Variants in DGKH observed in about 807,000 individuals in gnomAD.
The protein encoded by DGKH is DAG kinase eta.
A neutral mutation model predicts 159.3 loss-of-function variants in DGKH; 90 were observed. The ratio of observed to expected loss-of-function variants is 0.57; its 90% CI spans 0.48 to 0.67. The LOEUF (loss-of-function observed/expected upper bound fraction) is 0.67. DGKH is among the 30% of genes least tolerant of loss of function. DGKH has a pLI of 0.00. For synonymous variants in DGKH, 536 were observed against 553.8 expected (o/e 0.97, Z 0.45); for missense variants, 1,181 against 1,506.1 (o/e 0.78, Z 3.57).
chr13:42,218,502 CTTT>C (rs56173082), intron 26 of DGKH, among the ~76,000 whole-genome samples: 896 of 88,294 alleles, frequency 0.01, 8 homozygotes, highest in African/African-American at 0.035. Context: ...CATGTGGTGA[CTTT>C]TTTTTTTTTT....
chr13:42,212,603 G>A (rs571616158), intron 24 of DGKH, among the ~76,000 whole-genome samples: 4 of 152,288 alleles, frequency 2.6e-5, no homozygotes, highest in East Asian at 3.9e-4. Context: ...TCTGGTCAAC[G>A]TAGTTTGGCT....
Position 42,190,509 on chromosome 13 carries a change from C to G in DGKH, c.2019C>G (p.Ala673=). 6.3e-7 allele frequency: 1 copy of G among 1,593,668 alleles called. No individual in the cohort carries two copies. ...AGGAGGAAGCTAAAGATGATGGTGCCAAAGAATCAATAACTGGTGAGGAAA... is the reference window on the plus strand; with the variant it reads ...AGGAGGAAGCTAAAGATGATGGTGCGAAAGAATCAATAACTGGTGAGGAAA... The part of the protein sequence containing the change: ...ESKEEAKDDG[A]KESITVKTAP... The change falls in exon 16 of 30, where the codon GCC becomes GCG. Residue 673 remains alanine (A), a synonymous_variant. Transcript: ENST00000337343.
chr13:42,127,557 A>T lies in DGKH; in HGVS notation c.287A>T (p.Tyr96Phe). The change falls in exon 2 of 30, where the codon TAT (tyrosine) becomes TTT (phenylalanine). Residue 96 changes from tyrosine to phenylalanine, a missense_variant. By Grantham distance (22) the Tyr-to-Phe change is conservative. Coordinates refer to ENST00000337343, the MANE Select transcript of DGKH (RefSeq NM_178009.5). ...YFKLRGRTLY[Y>F]AKDSKSLIFD... ...AAACTTCGAGGCCGCACCCTTTACTATGCAAAGGACTCAAAGGTAACTCAC... is the reference window on the plus strand; with the variant it reads ...AAACTTCGAGGCCGCACCCTTTACTTTGCAAAGGACTCAAAGGTAACTCAC... 1 of 1,613,426 alleles carries T rather than the reference A, an allele frequency of 6.2e-7. No individual in the cohort carries two copies. Among genetic ancestry groups the T allele is most frequent in the Non-Finnish European group, 8.5e-7 (1 of 1,179,496 alleles).
chr13:42,156,113 A>G (rs1274616625), intron 5 of DGKH, among the ~76,000 whole-genome samples: 1 of 152,208 alleles, frequency 6.6e-6, no homozygotes, highest in African/African-American at 2.4e-5. Context: ...ACTCTTTGGC[A>G]GAATTTCTGA....
In DGKH at chr13:42,233,921, C is replaced by T. The variant is rs191321631; in HGVS notation, c.*4733C>T. Reference sequence around the variant, plus strand: ...ATGAGGACACATAGCAGTACACACACATTGAATGAATTGTTAGTCATGCAA... The same window carrying T: ...ATGAGGACACATAGCAGTACACACATATTGAATGAATTGTTAGTCATGCAA... On this transcript the variant is annotated 3_prime_UTR_variant, in exon 30 of 30. Coordinates refer to ENST00000337343, the MANE Select transcript of DGKH (RefSeq NM_178009.5). 5 of 152,294 alleles carry T rather than the reference C, an allele frequency of 3.3e-5. No homozygotes were observed. In the East Asian group the frequency reaches 9.6e-4, roughly 29 times the overall value. The allele number at this position is 152,294 out of a possible 1,614,324, so 9.4% of individuals were successfully genotyped here.
intron 20 of DGKH, among the ~76,000 whole-genome samples, chr13:42,202,284 G>T (rs76942989): frequency 1.3e-5 from 2 of 152,118 alleles, no homozygotes; most frequent in African/African-American, 4.8e-5. Flanking sequence ...ATGGAAGGCC[G>T]TTGTCTAAAA....
intron 1 of DGKH, among the ~76,000 whole-genome samples, chr13:42,051,473 T>C (rs1881295632): frequency 6.6e-6 from 1 of 152,114 alleles, no homozygotes; most frequent in African/African-American, 2.4e-5. Flanking sequence ...AGGGGGAATT[T>C]ATAGAATGAG....
intron 16 of DGKH, among the ~76,000 whole-genome samples, chr13:42,194,362 A>C (rs775378614): frequency 6.6e-6 from 1 of 152,086 alleles, no homozygotes; most frequent in Non-Finnish European, 1.5e-5. Context: ...TCAATTCCTG[A>C]CCTCAAGTGA....
chr13:42,155,465 A>G, intron 4 of DGKH, 70 bp downstream of exon 4: 1 of 1,511,238 alleles, frequency 6.6e-7, no homozygotes, highest in Non-Finnish European at 9.1e-7. Context: ...CTAGAGCTCT[A>G]CCGTGCAAAC....
intron 12 of DGKH, among the ~76,000 whole-genome samples, chr13:42,175,654 T>A (rs1956582443): frequency 6.6e-6 from 1 of 152,220 alleles, no homozygotes; most frequent in Non-Finnish European, 1.5e-5. Context: ...AATCTCTCTT[T>A]TTTTGTACAA....
At chr13:42,075,713 A>G (rs1055224505) in intron 1 of DGKH, among the ~76,000 whole-genome samples, 1 of 152,144 alleles carries the variant, frequency 6.6e-6, no homozygotes, top group Admixed American at 6.5e-5. Context: ...ATGGATGTTC[A>G]TCCAGTCATC....
intron 1 of DGKH, among the ~76,000 whole-genome samples, chr13:42,094,369 A>G (rs944422633): frequency 1.3e-5 from 2 of 152,258 alleles, no homozygotes; most frequent in African/African-American, 4.8e-5. Context: ...ACTTTGACTC[A>G]AACTTGTTAG....
chr13:42,256,487 C>G (rs1293605297), exon 31 of DGKH: 1 of 1,158,900 alleles, frequency 8.6e-7, no homozygotes, highest in East Asian at 2.3e-5. Context: ...CACACCAGAA[C>G]AGTTTGATGA....
At chr13:42,100,773 A>G (rs1240530350) in intron 1 of DGKH, among the ~76,000 whole-genome samples, 1 of 152,204 alleles carries the variant, frequency 6.6e-6, no homozygotes, top group African/African-American at 2.4e-5. Context: ...GGATTATCAT[A>G]GTTGCCCTCA....
chr13:42,142,426 T>C (rs1262451555), intron 3 of DGKH, among the ~76,000 whole-genome samples: 2 of 151,444 alleles, frequency 1.3e-5, no homozygotes, highest in African/African-American at 4.8e-5. Context: ...TTTCCAATTC[T>C]GTGAAGAAAG....
At chr13:42,077,900 C>G (rs1298115823) in intron 1 of DGKH, among the ~76,000 whole-genome samples, 1 of 152,144 alleles carries the variant, frequency 6.6e-6, no homozygotes, top group East Asian at 1.9e-4. Flanking sequence ...CCTGCTTCCC[C>G]CTAGTTCTTT....
At chr13:42,210,085 A>G (rs1957610703) in intron 23 of DGKH, among the ~76,000 whole-genome samples, 1 of 150,316 alleles carries the variant, frequency 6.7e-6, no homozygotes, top group Middle Eastern at 3.2e-3. Context: ...GAAGACTGCT[A>G]ATATTTGCCC....
At chr13:42,227,867 A>G (rs777278849) in intron 29 of DGKH, among the ~76,000 whole-genome samples, 2 of 152,218 alleles carry the variant, frequency 1.3e-5, no homozygotes, top group Non-Finnish European at 2.9e-5. Context: ...ATTTCATTCA[A>G]AAGTTGAAAA....
At chr13:42,148,731 T>G (rs1472004691) in intron 3 of DGKH, among the ~76,000 whole-genome samples, 2 of 152,116 alleles carry the variant, frequency 1.3e-5, no homozygotes, top group African/African-American at 4.8e-5. Context: ...TAATTGCCCC[T>G]CTGCTTTTAT....
Sources: gnomAD v4.1 joint callset for allele counts (sites outside exome capture counted in the v4.1 genomes callset) on GRCh38, gnomAD v4.1.1 for gene constraint, MANE v1.5 for transcripts, NCBI Gene and HGNC (gene_info 2026-07-23, HGNC 2026-07-21) for gene names.